MSRA: variants seen among roughly 807,000 people sequenced by gnomAD.
MSRA encodes mitochondrial peptide methionine sulfoxide reductase.
In MSRA, 54 loss-of-function variants were observed where a neutral mutation model predicts 31.3. That is an observed-to-expected ratio of 1.73 (90% CI 1.39 to 2.17). The LOEUF is 2.17. MSRA is among the 30% of genes most tolerant of loss of function. MSRA has a pLI of 0.00. For synonymous variants in MSRA, 169 were observed against 116.5 expected (o/e 1.45, Z -2.90); for missense variants, 507 against 300.9 (o/e 1.69, Z -5.07).
chr8:10,403,523 T>C (rs925437972), intron 5 of MSRA, among the ~76,000 whole-genome samples: 2 of 152,188 alleles, frequency 1.3e-5, no homozygotes, highest in African/African-American at 4.8e-5. Context: ...GCTGGGGCTC[T>C]GGAGGTGCTC....
intron 2 of MSRA, among the ~76,000 whole-genome samples, chr8:10,215,336 A>T (rs1809891414): frequency 6.6e-6 from 1 of 152,154 alleles, no homozygotes; most frequent in African/African-American, 2.4e-5. Context: ...CCCATCTCTC[A>T]TCTGTAACAT....
intron 5 of MSRA, among the ~76,000 whole-genome samples, chr8:10,361,494 G>C (rs1804841285): frequency 6.6e-6 from 1 of 152,146 alleles, no homozygotes; most frequent in Non-Finnish European, 1.5e-5. Flanking sequence ...CATTCTCCCA[G>C]TACTATAAGA....
In MSRA at chr8:10,348,357, C is replaced by CTTTT. The variant is rs34083972; in HGVS notation, c.543+28390_543+28393dup. 2.5e-3 allele frequency among the ~76,000 whole-genome samples: 161 copies of CTTTT among 64,278 alleles called. 2 individuals carry two copies. Among genetic ancestry groups the CTTTT allele is most frequent in the East Asian group, 3.6e-3 (6 of 1,688 alleles). 42.2% of individuals were successfully genotyped at this position (64,278 alleles called of 152,430 possible). On this transcript the variant is annotated intron_variant, in intron 5 of 5. Coordinates refer to ENST00000317173, the MANE Select transcript of MSRA (RefSeq NM_012331.5). ...CCAACTTATATCCAGAAATTATTGC[C>CTTTT]TTTTTTTTTTTTTTTTTTTTTTTTT...
intron 2 of MSRA, among the ~76,000 whole-genome samples, chr8:10,218,528 T>C (rs934288730): frequency 5.3e-5 from 8 of 152,228 alleles, no homozygotes; most frequent in Non-Finnish European, 7.3e-5. Context: ...CTGCAAGATA[T>C]TCTAATTCTA....
At chr8:10,238,387 A>G (rs1585243337) in intron 2 of MSRA, among the ~76,000 whole-genome samples, 1 of 152,142 alleles carries the variant, frequency 6.6e-6, no homozygotes, top group Non-Finnish European at 1.5e-5. Flanking sequence ...TCATCTACCT[A>G]GGATTTTTGG....
intron 1 of MSRA, among the ~76,000 whole-genome samples, chr8:10,193,309 C>T (rs1331670201): frequency 1.3e-5 from 2 of 152,174 alleles, no homozygotes; most frequent in Non-Finnish European, 2.9e-5. Context: ...GGCCTATGGC[C>T]TTCCCGCTGA....
rs565317422 is a variant in MSRA at position 10,427,155 on chromosome 8, G to C, written c.544-993G>C. The stretch of plus-strand genomic sequence containing the variant: ...GTCAGAGTGTGGTTGGTCCCCTCGT[G>C]AAAACATGGGTCCTGGCTCTGCTTT... On this transcript the variant is annotated intron_variant, in intron 5 of 5. Transcript: ENST00000317173. 2.6e-5 allele frequency among the ~76,000 whole-genome samples: 4 copies of C among 152,276 alleles called. No homozygotes were observed. The South Asian group carries it at 6.2e-4, about 24-fold the overall frequency.
intron 3 of MSRA, among the ~76,000 whole-genome samples, chr8:10,271,795 C>A (rs942988594): frequency 6.6e-6 from 1 of 151,498 alleles, no homozygotes; most frequent in East Asian, 2.0e-4. Context: ...CTTGGCTCAC[C>A]GCAACCTCGG....
intron 2 of MSRA, among the ~76,000 whole-genome samples, chr8:10,211,512 C>T (rs533434543): frequency 6.6e-6 from 1 of 152,258 alleles, no homozygotes; most frequent in South Asian, 2.1e-4. Context: ...GAGCCCTCTG[C>T]TTGCAAGCTG....
At chr8:10,384,970 C>T (rs919797351) in intron 5 of MSRA, among the ~76,000 whole-genome samples, 1 of 151,950 alleles carries the variant, frequency 6.6e-6, no homozygotes. Flanking sequence ...CCACTGCACT[C>T]CAGCCTGGGT....
intron 1 of MSRA, among the ~76,000 whole-genome samples, chr8:10,073,951 A>G (rs1299560008): frequency 2.7e-5 from 4 of 150,790 alleles, no homozygotes; most frequent in Admixed American, 1.3e-4. Flanking sequence ...GGAAAGATAC[A>G]TGACTTCACT....
At chr8:10,309,619 G>GC (rs1801326719) in intron 4 of MSRA, among the ~76,000 whole-genome samples, 1 of 152,176 alleles carries the variant, frequency 6.6e-6, no homozygotes, top group African/African-American at 2.4e-5. Flanking sequence ...GGTCTGGTTT[G>GC]CCCCCCGTGG....
In MSRA at chr8:10,149,772, C is replaced by T. The variant is rs529650109; in HGVS notation, c.143-58061C>T. Among the ~76,000 whole-genome samples, 16 of 53,316 alleles carry T rather than the reference C, an allele frequency of 3.0e-4. No homozygotes were observed. In the South Asian group the frequency reaches 8.8e-3, roughly 29 times the overall value. The allele number at this position is 53,316 out of a possible 152,430, so 35.0% of individuals were successfully genotyped here. On this transcript the variant is annotated intron_variant, in intron 1 of 5. Coordinates refer to ENST00000317173, the MANE Select transcript of MSRA (RefSeq NM_012331.5). ...TAAATAATAGCACAGTTGGCAGAAA[C>T]CACAAAGGTGGTATGGAAATGACTA...
intron 3 of MSRA, among the ~76,000 whole-genome samples, chr8:10,280,274 T>C (rs1799549377): frequency 6.6e-6 from 1 of 152,160 alleles, no homozygotes; most frequent in Non-Finnish European, 1.5e-5. Context: ...CCCCCCTCTT[T>C]TAGTTCCATC....
chr8:10,325,991 A>T (rs1563353725), intron 5 of MSRA, among the ~76,000 whole-genome samples: 1 of 152,200 alleles, frequency 6.6e-6, no homozygotes, highest in Non-Finnish European at 1.5e-5. Flanking sequence ...AAGTGGGGAA[A>T]TTCTGCCCAT....
chr8:10,292,673 C>T (rs1800307497), intron 3 of MSRA, among the ~76,000 whole-genome samples: 1 of 152,210 alleles, frequency 6.6e-6, no homozygotes, highest in African/African-American at 2.4e-5. Context: ...TCCTGGGGTC[C>T]CCAGCTCAGA....
chr8:10,190,445 C>G (rs552630445), intron 1 of MSRA, among the ~76,000 whole-genome samples: 1 of 152,228 alleles, frequency 6.6e-6, no homozygotes, highest in East Asian at 1.9e-4. Context: ...CTGCTAGTTC[C>G]TGACAATCTG....
At chr8:10,370,428 A>T (rs953827132) in intron 5 of MSRA, among the ~76,000 whole-genome samples, 2 of 152,214 alleles carry the variant, frequency 1.3e-5, no homozygotes, top group African/African-American at 2.4e-5. Context: ...TTAGGCAGAG[A>T]ATGACCCAGT....
chr8:10,175,045 C>A (rs562999333), intron 1 of MSRA, among the ~76,000 whole-genome samples: 3 of 152,164 alleles, frequency 2.0e-5, no homozygotes, highest in Non-Finnish European at 4.4e-5. Context: ...GTGATCTACC[C>A]GAACATGATT....
Sources: allele counts gnomAD v4.1 joint callset (sites outside exome capture counted in the v4.1 genomes callset), GRCh38; gene constraint gnomAD v4.1.1; transcripts MANE v1.5; gene names NCBI Gene and HGNC (gene_info 2026-07-23, HGNC 2026-07-21).